PDE6A: variants seen among roughly 807,000 people sequenced by gnomAD.
PDE6A encodes rod cGMP-specific 3',5'-cyclic phosphodiesterase subunit alpha.
In PDE6A, 84 loss-of-function variants were observed where a neutral mutation model predicts 106.3. The observed-to-expected ratio is 0.79, with a 90% confidence interval of 0.66 to 0.95. The LOEUF (loss-of-function observed/expected upper bound fraction) is 0.95, where lower values mean the gene tolerates loss of function less well. PDE6A is among the 40% of genes least tolerant of loss of function. The probability of loss-of-function intolerance (pLI) is 0.00; values close to 1 mark genes in which losing one functional copy is unlikely to be tolerated. For missense variants in PDE6A, 1,052 were observed against 1,084.9 expected (o/e 0.97, Z 0.43); for synonymous variants, 394 against 386.6 (o/e 1.02, Z -0.23).
At chr5:149,868,237 T>C in intron 17 of PDE6A, 79 bp from the exon 18 acceptor site, 2 of 1,364,612 alleles carry the variant, frequency 1.5e-6, no homozygotes, top group Non-Finnish European at 2.1e-6. Context: ...TCTCTCACCT[T>C]TCTCCACCCC....
intron 13 of PDE6A, among the ~76,000 whole-genome samples, chr5:149,889,047 A>T (rs771927405): frequency 6.2e-5 from 9 of 145,218 alleles, no homozygotes; most frequent in Non-Finnish European, 1.3e-4. Context: ...GTGCCACTGC[A>T]CTCCAGCCTG....
intron 17 of PDE6A, among the ~76,000 whole-genome samples, chr5:149,875,719 G>A (rs1304953895): frequency 6.6e-6 from 1 of 152,066 alleles, no homozygotes; most frequent in African/African-American, 2.4e-5. Context: ...AAACCCCTGA[G>A]CTCAAGCCAT....
rs931660280 is a variant in PDE6A, at chr5:149,934,713, C to T, written c.480G>A (p.Glu160=). Residue 160 remains glutamate (E), a synonymous_variant, in exon 2 of 22, where the codon GAG becomes GAA. Coordinates refer to ENST00000255266, the MANE Select transcript of PDE6A (RefSeq NM_000440.3). ...IANVPNTEED[E]HFCDFVDILT... ...GGATGTCCACAAAGTCACAGAAATGCTCATCCTAAAGGAAGGCAGAGATAA... is the reference window on the plus strand; with the variant it reads ...GGATGTCCACAAAGTCACAGAAATGTTCATCCTAAAGGAAGGCAGAGATAA... 1.2e-6 allele frequency: 2 copies of T among 1,613,716 alleles called. No homozygotes were observed. The highest frequency in any genetic ancestry group is 1.1e-5 in the South Asian group (1 of 91,072).
At chr5:149,906,598 G>C (rs1437809761) in intron 7 of PDE6A, among the ~76,000 whole-genome samples, 1 of 143,192 alleles carries the variant, frequency 7.0e-6, no homozygotes, top group Non-Finnish European at 1.5e-5. Flanking sequence ...CCTCCCTCTT[G>C]AGCCTCATGT....
At chr5:149,870,853 GAAAGAA>G (rs1228142246) in intron 17 of PDE6A, among the ~76,000 whole-genome samples, 2 of 121,294 alleles carry the variant, frequency 1.6e-5, no homozygotes, top group Non-Finnish European at 3.4e-5. Flanking sequence ...AAAAGAAGAA[GAAAGAA>G]AGAGAAAGAG....
At chr5:149,899,656 G>T in intron 8 of PDE6A, 132 bp from the exon 9 acceptor site, 1 of 902,032 alleles carries the variant, frequency 1.1e-6, no homozygotes, top group Non-Finnish European at 1.8e-6. Context: ...ATTGGATTTC[G>T]CATGAGTTTA....
chr5:149,932,001 T>G, intron 3 of PDE6A: 1 of 1,481,774 alleles, frequency 6.7e-7, no homozygotes, highest in Non-Finnish European at 9.4e-7. Flanking sequence ...TGAGAGCTGA[T>G]GTTACCTCTA....
In PDE6A at chr5:149,863,165, C is replaced by T. The variant is rs747163230; in HGVS notation, c.2460G>A (p.Met820Ile). 4 of 1,614,228 alleles carry T rather than the reference C, an allele frequency of 2.5e-6. No individual in the cohort carries two copies. In the East Asian group the frequency reaches 8.9e-5, roughly 36 times the overall value. The change falls in exon 21 of 22, where the codon ATG (methionine) becomes ATA (isoleucine). Residue 820 changes from methionine (M) to isoleucine (I), a missense_variant. This residue lies in a region of PDE6A where 135 missense variants were observed against 153.2 expected (regional missense o/e 0.88). Transcript: ENST00000255266. This position sits in a 1 kb window ranked among gnomAD's most constrained non-coding sequence, Gnocchi z 4.7. ...TCTGCTTCTTCTCCTCCTGCACCTT[C>T]ATCTTGGCATCGTACTCATCAGCAA... ...KALADEYDAK[M>I]KVQEEKKQKQ...
chr5:149,889,778 G>A lies in PDE6A; in HGVS notation c.1729-3404C>T, dbSNP rs112937530. 1.4e-4 allele frequency among the ~76,000 whole-genome samples: 21 copies of A among 151,720 alleles called. 1 individual carries two copies. Among genetic ancestry groups the A allele is most frequent in the African/African-American group, 4.1e-4 (17 of 41,432 alleles). ...AAAAGTTAGCTTGGCCCGGTGGCAC[G>A]CACCTGTAATCCCAGTTACTGGGGA... On this transcript the variant is annotated intron_variant, in intron 13 of 21. Coordinates refer to ENST00000255266, the MANE Select transcript of PDE6A (RefSeq NM_000440.3).
intron 3 of PDE6A, chr5:149,932,274 C>T: frequency 7.0e-7 from 1 of 1,436,950 alleles, no homozygotes; most frequent in Non-Finnish European, 9.8e-7. Flanking sequence ...AGCAGTTTCA[C>T]TCGTAGACCG....
At chr5:149,901,903 A>G (rs1752993587) in intron 8 of PDE6A, among the ~76,000 whole-genome samples, 2 of 152,174 alleles carry the variant, frequency 1.3e-5, no homozygotes, top group South Asian at 2.1e-4. Context: ...CTGATTGATA[A>G]TGATTTGTTT....
In PDE6A at chr5:149,934,134, G is replaced by A. The variant is rs151127665; in HGVS notation, c.628-115C>T. The A allele has an allele frequency of 3.8e-3, 2,717 of 716,788 alleles. 10 individuals are homozygous for A. Among genetic ancestry groups the A allele is most frequent in the South Asian group, 6.5e-3 (434 of 66,738 alleles). 44.4% of individuals were successfully genotyped at this position (716,788 alleles called of 1,614,324 possible). On this transcript the variant is annotated intron_variant, in intron 2 of 21. Transcript: ENST00000255266. ...TCAAAGCTTCATCAGAGACAATTTG[G>A]GCAGATGGATCCTAGAATGCAGACT...
intron 5 of PDE6A, among the ~76,000 whole-genome samples, chr5:149,919,191 G>T (rs1161765625): frequency 6.6e-6 from 1 of 152,088 alleles, no homozygotes; most frequent in Non-Finnish European, 1.5e-5. Flanking sequence ...ATTCCCACGA[G>T]AGTCTTTAGA....
chr5:149,907,455 G>A (rs748257796), intron 6 of PDE6A, 77 bp from the exon 7 acceptor site: 65 of 1,137,612 alleles, frequency 5.7e-5, no homozygotes, highest in Middle Eastern at 2.1e-4. Flanking sequence ...GGGTGTTTGC[G>A]CTCCCCCTGC....
At chr5:149,927,579 G>A (rs1339642744) in intron 4 of PDE6A, among the ~76,000 whole-genome samples, 2 of 151,748 alleles carry the variant, frequency 1.3e-5, no homozygotes, top group Admixed American at 1.3e-4. Context: ...AGCCTGGCTT[G>A]TAACTTTTTT....
intron 19 of PDE6A, chr5:149,867,499 T>G: frequency 1.6e-6 from 1 of 616,240 alleles, no homozygotes; most frequent in Non-Finnish European, 2.9e-6. Context: ...CCCCCAGAGC[T>G]TCTGGTTGGG....
chr5:149,889,180 T>C (rs1752447466), intron 13 of PDE6A, among the ~76,000 whole-genome samples: 1 of 151,730 alleles, frequency 6.6e-6, no homozygotes, highest in South Asian at 2.1e-4. Context: ...AGTACACTGA[T>C]GCAAAACTAG....
intron 7 of PDE6A, among the ~76,000 whole-genome samples, chr5:149,905,164 C>T (rs1028219260): frequency 1.3e-5 from 2 of 152,166 alleles, no homozygotes; most frequent in South Asian, 2.1e-4. Flanking sequence ...GAGACACTGC[C>T]CTCTCCTGGG....
In PDE6A at chr5:149,896,575, G is replaced by C. The variant is rs572135576; in HGVS notation, c.1474-73C>G. ...GGGTGCCCACCTCCTGTCCAGCCCT[G>C]TCCCCATCCTGGGTCTGCTGGAAGG... On this transcript the variant is annotated intron_variant, in intron 11 of 21. Transcript: ENST00000255266. 5 of 1,613,840 alleles carry C rather than the reference G, an allele frequency of 3.1e-6. No homozygotes were observed. The South Asian group carries it at 5.5e-5, about 18-fold the overall frequency.
Sources: gnomAD v4.1 joint callset for allele counts (sites outside exome capture counted in the v4.1 genomes callset) on GRCh38, gnomAD v4.1.1 for gene constraint, gnomAD v4.1.1 regional missense constraint, Gnocchi (gnomAD v3.1) non-coding constraint, MANE v1.5 for transcripts, NCBI Gene and HGNC (gene_info 2026-07-23, HGNC 2026-07-21) for gene names.